GLIS1: variants seen among roughly 807,000 people sequenced by gnomAD.
GLIS1 encodes GLIS family zinc finger 1, also known as zinc finger protein GLIS1.
GLIS1 carries 24 observed loss-of-function variants against 63.8 expected under a neutral mutation model. That is an observed-to-expected ratio of 0.38 (90% CI 0.27 to 0.53). The LOEUF (loss-of-function observed/expected upper bound fraction) is 0.53, where lower values mean the gene tolerates loss of function less well. GLIS1 is among the 20% of genes least tolerant of loss of function. The probability of loss-of-function intolerance (pLI) is 0.85; values close to 1 mark genes in which losing one functional copy is unlikely to be tolerated. For synonymous variants in GLIS1, 450 were observed against 482.5 expected, an observed-to-expected ratio of 0.93 and a Z score of 0.88; for missense variants, 1,036 against 1,074.1, an observed-to-expected ratio of 0.96 and a Z score of 0.50.
At chr1:53,684,711 A>C (rs1354334990) in intron 2 of GLIS1, among the ~76,000 whole-genome samples, 1 of 152,078 alleles carries the variant, frequency 6.6e-6, no homozygotes, top group African/African-American at 2.4e-5. Flanking sequence ...AATCTCCTTC[A>C]TACAGCTCCC....
intron 4 of GLIS1, among the ~76,000 whole-genome samples, chr1:53,569,424 C>T (rs1235131892): frequency 1.3e-5 from 2 of 151,966 alleles, no homozygotes; most frequent in Non-Finnish European, 1.5e-5. Flanking sequence ...CTCCATGTAC[C>T]TTCCACTCTG....
intron 2 of GLIS1, among the ~76,000 whole-genome samples, chr1:53,660,573 G>A (rs751045384): frequency 4.6e-5 from 7 of 152,180 alleles, no homozygotes; most frequent in East Asian, 1.9e-4. Context: ...AGGACAGGAC[G>A]TGGACTACAG....
intron 2 of GLIS1, among the ~76,000 whole-genome samples, chr1:53,653,919 T>C (rs1251860696): frequency 2.0e-5 from 3 of 152,218 alleles, no homozygotes; most frequent in African/African-American, 4.8e-5. Context: ...AGTATCCACC[T>C]GGACCAGACC....
chr1:53,524,831 G>C lies in GLIS1; in HGVS notation c.1539C>G (p.Ser513=). The change falls in exon 6 of 11, where the codon TCC becomes TCG. Residue 513 remains serine, a synonymous_variant. Coordinates refer to ENST00000628545, the MANE Select transcript of GLIS1 (RefSeq NM_001367484.1). ...GCSKRYTDPS[S]LRKHVKAHSA... Reference sequence around the variant, plus strand: ...AATGGGCCTTGACGTGCTTGCGGAGGGAGCTGGGGTCTGTGTAGCGCTTGG... The same window carrying C: ...AATGGGCCTTGACGTGCTTGCGGAGCGAGCTGGGGTCTGTGTAGCGCTTGG... 1 of 1,613,614 alleles carries C rather than the reference G, an allele frequency of 6.2e-7. No individual in the cohort carries two copies. Among genetic ancestry groups the C allele is most frequent in the East Asian group, 2.2e-5 (1 of 44,882 alleles).
chr1:53,687,301 G>A (rs1646347929), intron 2 of GLIS1, among the ~76,000 whole-genome samples: 1 of 152,172 alleles, frequency 6.6e-6, no homozygotes, highest in Non-Finnish European at 1.5e-5. Context: ...GCCCACCTGG[G>A]TCTCTCAGAC....
chr1:53,604,892 C>T (rs1645353259), intron 2 of GLIS1, among the ~76,000 whole-genome samples: 2 of 150,890 alleles, frequency 1.3e-5, no homozygotes, highest in East Asian at 2.0e-4. Flanking sequence ...TGCCCTTGTA[C>T]CATTAAAAAA....
chr1:53,653,419 C>A (rs569119119), intron 2 of GLIS1, among the ~76,000 whole-genome samples: 2 of 152,216 alleles, frequency 1.3e-5, no homozygotes, highest in African/African-American at 4.8e-5. Context: ...CACAGCCCGG[C>A]GACCCCTGCC....
At chr1:53,711,117 T>C (rs1247916242) in intron 2 of GLIS1, among the ~76,000 whole-genome samples, 1 of 152,036 alleles carries the variant, frequency 6.6e-6, no homozygotes. Context: ...ACCTCTATAG[T>C]CACAGCACGG....
chr1:53,584,187 G>C (rs1209500245), intron 4 of GLIS1, among the ~76,000 whole-genome samples: 1 of 152,184 alleles, frequency 6.6e-6, no homozygotes, highest in African/African-American at 2.4e-5. Flanking sequence ...TCACAGTCCT[G>C]TGTACAACTC....
intron 2 of GLIS1, among the ~76,000 whole-genome samples, chr1:53,601,960 A>C (rs1167034725): frequency 6.6e-6 from 1 of 152,196 alleles, no homozygotes; most frequent in Non-Finnish European, 1.5e-5. Context: ...GTGGATGAGC[A>C]TGCAATGCTC....
intron 4 of GLIS1, among the ~76,000 whole-genome samples, chr1:53,550,149 A>G (rs1027639032): frequency 2.0e-5 from 3 of 152,210 alleles, no homozygotes; most frequent in Admixed American, 2.0e-4. Context: ...CAGTTTCCTT[A>G]CAGGCATGCA....
At chr1:53,540,433 G>C (rs1644631695) in intron 4 of GLIS1, among the ~76,000 whole-genome samples, 1 of 152,128 alleles carries the variant, frequency 6.6e-6, no homozygotes, top group Non-Finnish European at 1.5e-5. Context: ...CTCCCCCAGG[G>C]ATGGCCTGGG....
chr1:53,692,630 G>A (rs61774777), intron 2 of GLIS1, among the ~76,000 whole-genome samples: 17,835 of 152,250 alleles, frequency 0.12, 1,222 homozygotes, highest in East Asian at 0.23. Context: ...GGGTGTAGCT[G>A]GGGGAGGGAT....
chr1:53,554,149 C>T (rs904227893), intron 4 of GLIS1, among the ~76,000 whole-genome samples: 3 of 152,188 alleles, frequency 2.0e-5, no homozygotes, highest in Non-Finnish European at 4.4e-5. Context: ...TGACCACAGC[C>T]CCTTCTGTCA....
At chr1:53,634,524 C>T (rs549848876) in intron 2 of GLIS1, among the ~76,000 whole-genome samples, 1 of 152,062 alleles carries the variant, frequency 6.6e-6, no homozygotes, top group Non-Finnish European at 1.5e-5. Flanking sequence ...ACAAGACAGA[C>T]AAAATGAGGC....
chr1:53,572,313 G>C (rs1010746274), intron 4 of GLIS1, among the ~76,000 whole-genome samples: 2 of 152,274 alleles, frequency 1.3e-5, no homozygotes, highest in African/African-American at 4.8e-5. Flanking sequence ...TGTGGGTATT[G>C]GGAGCTCATC....
Position 53,725,399 on chromosome 1 carries a change from C to T in GLIS1, c.259+12407G>A, listed in dbSNP as rs72660682. Among the ~76,000 whole-genome samples the T allele has an allele frequency of 6.9e-3, 1,054 of 152,268 alleles. 5 individuals are homozygous for T. Among genetic ancestry groups the T allele is most frequent in the Non-Finnish European group, 0.012 (801 of 68,026 alleles). On this transcript the variant is annotated intron_variant, in intron 2 of 10. Transcript: ENST00000628545. ...CTCACTGATTCTCATGCTACCCTGG[C>T]CAGGGGAGTGAGCACCAGTTTCCAT...
chr1:53,572,499 C>A (rs1219336226), intron 4 of GLIS1, among the ~76,000 whole-genome samples: 1 of 152,244 alleles, frequency 6.6e-6, no homozygotes, highest in African/African-American at 2.4e-5. Flanking sequence ...TGCCCACCTC[C>A]CTTTGGGCTG....
In GLIS1 at chr1:53,509,902, G is replaced by C. The variant is rs200426007; in HGVS notation, c.2009C>G (p.Pro670Arg). ...AGGGCTCTGGAAGGGTGGGTAGGAC[G>C]GCTTGCTGGGGAGTGTGGGGAAGGG... The part of the protein sequence containing the change: ...GQPFPTLPSK[P>R]SYPPFQSPPP... The change falls in exon 9 of 11, where the codon CCG becomes CGG. Residue 670 changes from proline to arginine, a missense_variant. Around this residue, in one of 3 missense-constraint regions of GLIS1, gnomAD observed 400 missense variants for 400.9 expected, o/e 1.00. Transcript: ENST00000628545. 1 of 1,307,772 alleles carries C rather than the reference G, an allele frequency of 7.6e-7. No individual in the cohort carries two copies. The highest frequency in any genetic ancestry group is 9.8e-7 in the Non-Finnish European group (1 of 1,019,722). 81.0% of individuals were successfully genotyped at this position (1,307,772 alleles called of 1,614,324 possible).
Sources: allele counts gnomAD v4.1 joint callset (sites outside exome capture counted in the v4.1 genomes callset), GRCh38; gene constraint gnomAD v4.1.1; regional missense constraint gnomAD v4.1.1; transcripts MANE v1.5; gene names NCBI Gene and HGNC (gene_info 2026-07-23, HGNC 2026-07-21).